Variants in PRKDC observed in about 807,000 individuals in gnomAD.
PRKDC encodes protein kinase, DNA-activated, catalytic subunit, also known as DNA-dependent protein kinase catalytic subunit.
A neutral mutation model predicts 486.9 loss-of-function variants in PRKDC; 82 were observed. The ratio of observed to expected loss-of-function variants is 0.17; its 90% CI spans 0.14 to 0.20. The LOEUF (loss-of-function observed/expected upper bound fraction) is 0.20, where lower values mean the gene tolerates loss of function less well. Ranked by LOEUF, PRKDC falls within the 10% of genes least tolerant of loss-of-function variation. The pLI, the probability that PRKDC is intolerant of heterozygous loss-of-function variation, is 1.00. For synonymous variants in PRKDC, 1,895 were observed against 1,837.0 expected (o/e 1.03, Z -0.81); for missense variants, 4,504 against 5,038.2 (o/e 0.89, Z 3.21).
At chr8:47,910,188 G>A (rs1470327844) in intron 25 of PRKDC, among the ~76,000 whole-genome samples, 1 of 152,018 alleles carries the variant, frequency 6.6e-6, no homozygotes, top group Admixed American at 6.6e-5. Flanking sequence ...CTGGGGGCTG[G>A]TTCCCCCAAT....
At chr8:47,893,453 C>T (rs1022357954) in intron 30 of PRKDC, 66 bp from the exon 31 acceptor site, 1 of 1,343,662 alleles carries the variant, frequency 7.4e-7, no homozygotes, top group East Asian at 2.7e-5. Flanking sequence ...ATCTTTGTAC[C>T]TAAAATTTCA....
Position 47,849,433 on chromosome 8 carries a change from T to C in PRKDC, c.7076A>G (p.Lys2359Arg), listed in dbSNP as rs775344010. The part of the protein sequence containing the change: ...LKQHQNTMED[K>R]FIVCLNKVTK... ...CACTTTGTTCAAGCACACAATAAAC[T>C]TGTCCTCCATAGTATTCTGATGTTG... Residue 2359 changes from lysine to arginine, a missense_variant, in exon 53 of 86, where the codon AAG (lysine) becomes AGG (arginine). By Grantham distance (26) the Lys-to-Arg change is conservative. This residue lies in a region of PRKDC where 1,592 missense variants were observed against 1,724.6 expected (regional missense o/e 0.92). Coordinates refer to ENST00000314191, the MANE Select transcript of PRKDC (RefSeq NM_006904.7). 5.0e-6 allele frequency: 8 copies of C among 1,613,890 alleles called. No individual in the cohort carries two copies. In the East Asian group the frequency reaches 1.1e-4, roughly 22 times the overall value.
chr8:47,807,204 A>G lies in PRKDC; in HGVS notation c.9680T>C (p.Ile3227Thr). The change falls in exon 69 of 86, where the codon ATC becomes ACC. Residue 3227 changes from isoleucine to threonine, a missense_variant. Ile to Thr is a moderately conservative substitution (Grantham distance 89, BLOSUM62 -1). This residue lies in a region of PRKDC where 1,592 missense variants were observed against 1,724.6 expected (regional missense o/e 0.92). Transcript: ENST00000314191. ...CTTGCAACTCCTGATCAGGGAGCTGATATCTTCTTCCTGCTCTTGCACTTC... is the reference window on the plus strand; with the variant it reads ...CTTGCAACTCCTGATCAGGGAGCTGGTATCTTCTTCCTGCTCTTGCACTTC... Reference protein sequence around the residue: ...RMEVQEQEEDISSLIRSCKFS... With the variant: ...RMEVQEQEEDTSSLIRSCKFS... The G allele has an allele frequency of 2.5e-6, 4 of 1,613,876 alleles. No individual in the cohort carries two copies. Among genetic ancestry groups the G allele is most frequent in the Non-Finnish European group, 3.4e-6 (4 of 1,179,832 alleles).
intron 45 of PRKDC, among the ~76,000 whole-genome samples, chr8:47,860,523 A>G (rs2088652847): frequency 6.6e-6 from 1 of 152,230 alleles, no homozygotes; most frequent in Non-Finnish European, 1.5e-5. Context: ...TGGGCACAGA[A>G]GAGTGGCTCG....
In PRKDC at chr8:47,847,874, AATATAT is replaced by A. The variant is rs34432546; in HGVS notation, c.7280+1274_7280+1279del. ...TCAAAAGACATAAAAGCGGCCAACA[AATATAT>A]ATATATATATATATATAAAAGTCAT... is the stretch of plus-strand genomic sequence containing the variant. On this transcript the variant is annotated intron_variant, in intron 54 of 85. Transcript: ENST00000314191. Among the ~76,000 whole-genome samples, 26 of 146,196 alleles carry A rather than the reference AATATAT, an allele frequency of 1.8e-4. 1 individual carries two copies. The highest frequency in any genetic ancestry group is 1.4e-3 in the Admixed American group (21 of 14,604).
At chr8:47,794,746 T>C (rs1236629716) in intron 73 of PRKDC, among the ~76,000 whole-genome samples, 1 of 152,232 alleles carries the variant, frequency 6.6e-6, no homozygotes, top group Non-Finnish European at 1.5e-5. Flanking sequence ...TGGTTGTTCT[T>C]AGACAGATGT....
At chr8:47,910,316 C>T (rs1230769095) in intron 25 of PRKDC, among the ~76,000 whole-genome samples, 4 of 152,234 alleles carry the variant, frequency 2.6e-5, no homozygotes, top group Non-Finnish European at 5.9e-5. Flanking sequence ...TAAAGGCCCA[C>T]TGGAGTAGCC....
chr8:47,812,985 GA>G (rs2087364726), intron 68 of PRKDC, among the ~76,000 whole-genome samples: 1 of 151,026 alleles, frequency 6.6e-6, no homozygotes, highest in Non-Finnish European at 1.5e-5. Flanking sequence ...TGATGAAATG[GA>G]CAAATTTACT....
At chr8:47,926,949 T>A (rs1247077297) in intron 21 of PRKDC, 3 of 419,394 alleles carry the variant, frequency 7.2e-6, no homozygotes, top group Non-Finnish European at 1.3e-5. Flanking sequence ...GTACTTGTCT[T>A]TGAAGATTTT....
Position 47,912,569 on chromosome 8 carries a change from C to T in PRKDC, c.2782-7G>A, listed in dbSNP as rs2154502789. 1 of 1,593,566 alleles carries T rather than the reference C, an allele frequency of 6.3e-7. No individual in the cohort carries two copies. Among genetic ancestry groups the T allele is most frequent in the Non-Finnish European group, 8.6e-7 (1 of 1,168,312 alleles). Reference sequence around the variant, plus strand: ...AAAGTTCACAGGCTGCAACCTAAAACAGACCAGGAGGTCAGCAATGTTTAA... The same window carrying T: ...AAAGTTCACAGGCTGCAACCTAAAATAGACCAGGAGGTCAGCAATGTTTAA... On this transcript the variant is annotated splice_region_variant and splice_polypyrimidine_tract_variant and intron_variant, in intron 24 of 85. Coordinates refer to ENST00000314191, the MANE Select transcript of PRKDC (RefSeq NM_006904.7).
chr8:47,922,018 T>C (rs1312091071), intron 21 of PRKDC, among the ~76,000 whole-genome samples: 3 of 152,186 alleles, frequency 2.0e-5, no homozygotes, highest in Non-Finnish European at 4.4e-5. Flanking sequence ...TGACTTCACG[T>C]GATCTGCCTA....
At position 47,927,203 on chromosome 8, in the gene PRKDC, C is replaced by T. The variant is rs1278442207; in HGVS notation, c.2410G>A (p.Ala804Thr). Residue 804 changes from alanine to threonine, a missense_variant, in exon 21 of 86, where the codon GCC becomes ACC. Coordinates refer to ENST00000314191, the MANE Select transcript of PRKDC (RefSeq NM_006904.7). ...TTCTTCTAAACATTACCTGACAAGG[C>T]TGAAGTCTTCAGGTATCCATCCAGG... is the stretch of plus-strand genomic sequence containing the variant. Reference protein sequence around the residue: ...PCLDGYLKTSALSDETKNNWE... With the variant: ...PCLDGYLKTSTLSDETKNNWE... 1 of 1,613,434 alleles carries T rather than the reference C, an allele frequency of 6.2e-7. No homozygotes were observed. The highest frequency in any genetic ancestry group is 8.5e-7 in the Non-Finnish European group (1 of 1,179,588).
intron 36 of PRKDC, among the ~76,000 whole-genome samples, chr8:47,885,077 T>C (rs560018188): frequency 6.6e-6 from 1 of 152,366 alleles, no homozygotes; most frequent in East Asian, 1.9e-4. Context: ...TTATAATATT[T>C]AGGCTTAGAA....
At chr8:47,861,283 C>T (rs904391966) in intron 44 of PRKDC, among the ~76,000 whole-genome samples, 1 of 152,172 alleles carries the variant, frequency 6.6e-6, no homozygotes, top group Non-Finnish European at 1.5e-5. Context: ...CTCTGAACCT[C>T]AATTTATTCA....
chr8:47,888,101 C>T (rs1350274915), intron 34 of PRKDC, among the ~76,000 whole-genome samples: 2 of 152,070 alleles, frequency 1.3e-5, no homozygotes, highest in Admixed American at 1.3e-4. Context: ...CGGTCTCAAA[C>T]TTCTGGCCTC....
Position 47,947,837 on chromosome 8 carries a change from G to A in PRKDC, c.722-3808C>T, listed in dbSNP as rs543756470. ...GCACAAGAATCACTTGAACGTGGGAGGCAGAGGTTACAGTGAGCCAAGATC... is the reference window on the plus strand; with the variant it reads ...GCACAAGAATCACTTGAACGTGGGAAGCAGAGGTTACAGTGAGCCAAGATC... On this transcript the variant is annotated intron_variant, in intron 7 of 85. Transcript: ENST00000314191. 1.4e-3 allele frequency among the ~76,000 whole-genome samples: 219 copies of A among 152,234 alleles called. 2 individuals are homozygous for A. Among genetic ancestry groups the A allele is most frequent in the African/African-American group, 5.0e-3 (209 of 41,530 alleles).
chr8:47,803,767 T>C (rs980737828), intron 69 of PRKDC, among the ~76,000 whole-genome samples: 1 of 152,056 alleles, frequency 6.6e-6, no homozygotes. Flanking sequence ...CTAGGCAACA[T>C]GGTAAGACCC....
intron 40 of PRKDC, among the ~76,000 whole-genome samples, chr8:47,865,444 C>A (rs1433121664): frequency 6.6e-6 from 1 of 151,870 alleles, no homozygotes; most frequent in African/African-American, 2.4e-5. Flanking sequence ...TACCAGTGAA[C>A]CACCATTGCT....
chr8:47,944,597 G>A (rs1021370645), intron 7 of PRKDC, among the ~76,000 whole-genome samples: 2 of 151,692 alleles, frequency 1.3e-5, no homozygotes, highest in African/African-American at 2.4e-5. Context: ...AACTAAAAGG[G>A]AAGATAAAAC....
Sources: allele counts gnomAD v4.1 joint callset (sites outside exome capture counted in the v4.1 genomes callset), GRCh38; gene constraint gnomAD v4.1.1; regional missense constraint gnomAD v4.1.1; transcripts MANE v1.5; gene names NCBI Gene and HGNC (gene_info 2026-07-23, HGNC 2026-07-21).